The following STAU1 variants were observed in gnomAD, a reference collection of about 807,000 sequenced individuals.
The protein encoded by STAU1 is double-stranded RNA-binding protein Staufen homolog 1.
STAU1 carries 13 observed loss-of-function variants against 62.9 expected under a neutral mutation model. That is an observed-to-expected ratio of 0.21 (90% CI 0.13 to 0.33). The LOEUF (loss-of-function observed/expected upper bound fraction) is 0.33. Among genes scored for constraint, STAU1 ranks in the 10% least tolerant of loss-of-function variants. The pLI, the probability that STAU1 is intolerant of heterozygous loss-of-function variation, is 1.00. For missense variants in STAU1, 571 were observed against 712.1 expected, an observed-to-expected ratio of 0.80 and a Z score of 2.25; for synonymous variants, 269 against 265.1, an observed-to-expected ratio of 1.01 and a Z score of -0.14.
At chr20:49,160,709 C>T (rs1292631722) in intron 3 of STAU1, among the ~76,000 whole-genome samples, 1 of 152,196 alleles carries the variant, frequency 6.6e-6, no homozygotes, top group Non-Finnish European at 1.5e-5. Context: ...ACAAGGATAA[C>T]TGAAACCAAA....
At chr20:49,131,522 C>A (rs1168953063) in intron 6 of STAU1, among the ~76,000 whole-genome samples, 1 of 152,008 alleles carries the variant, frequency 6.6e-6, no homozygotes, top group African/African-American at 2.4e-5. Flanking sequence ...AAGTAAAAAA[C>A]AGAAAATAAT....
intron 3 of STAU1, among the ~76,000 whole-genome samples, chr20:49,164,732 G>A (rs534261051): frequency 2.7e-4 from 41 of 151,968 alleles, no homozygotes; most frequent in Admixed American, 5.3e-4. Flanking sequence ...TCACACTACC[G>A]TACTCCAGCC....
At chr20:49,146,563 G>C (rs1410765508) in intron 5 of STAU1, among the ~76,000 whole-genome samples, 1 of 151,932 alleles carries the variant, frequency 6.6e-6, no homozygotes, top group Admixed American at 6.6e-5. Flanking sequence ...TTAACAGGGA[G>C]TGGTGGCATG....
At chr20:49,124,871 T>G (rs2092554825) in intron 6 of STAU1, among the ~76,000 whole-genome samples, 2 of 152,090 alleles carry the variant, frequency 1.3e-5, no homozygotes, top group Admixed American at 1.3e-4. Context: ...GAGTTTAGTG[T>G]GGTCCACTGC....
In STAU1 at chr20:49,135,914, G is replaced by C. The variant is rs908077586; in HGVS notation, c.528C>G (p.Ser176=). The C allele has an allele frequency of 3.1e-6, 5 of 1,613,058 alleles. No homozygotes were observed. In the African/African-American group the frequency reaches 6.7e-5, roughly 22 times the overall value. ...CAGATTTATTGAGATTTTCTTCTTC[G>C]GATTCTCTTCCATTCACCTGTAAGA... ...PERLEVNGRE[S]EEENLNKSEI... Residue 176 remains serine, a synonymous_variant, in exon 6 of 14, where the codon TCC becomes TCG. Coordinates refer to ENST00000371856, the MANE Select transcript of STAU1 (RefSeq NM_017453.4).
chr20:49,189,306 C>T (rs188094610), upstream of STAU1, among the ~76,000 whole-genome samples: 305 of 143,226 alleles, frequency 2.1e-3, no homozygotes, highest in African/African-American at 7.4e-3. Flanking sequence ...TTTTTAGCAG[C>T]TGTATTGTAT....
At chr20:49,155,370 A>T (rs2093341434) in intron 3 of STAU1, among the ~76,000 whole-genome samples, 1 of 152,258 alleles carries the variant, frequency 6.6e-6, no homozygotes, top group South Asian at 2.1e-4. Flanking sequence ...TTCAGAAAAT[A>T]CATGCTATTC....
intron 13 of STAU1, among the ~76,000 whole-genome samples, chr20:49,115,411 C>T (rs566648927): frequency 6.6e-6 from 1 of 152,144 alleles, no homozygotes; most frequent in African/African-American, 2.4e-5. Flanking sequence ...AAGCAGTTCT[C>T]TGCCTCGGCC....
intron 6 of STAU1, among the ~76,000 whole-genome samples, chr20:49,125,086 A>C (rs1469828845): frequency 1.3e-5 from 2 of 150,452 alleles, no homozygotes; most frequent in African/African-American, 4.9e-5. Flanking sequence ...AAAAAAAAAA[A>C]AAAAACCCAC....
chr20:49,125,071 T>TAAAAAAAAAAAAAAAAA (rs11473077), intron 6 of STAU1, among the ~76,000 whole-genome samples: 1 of 83,852 alleles, frequency 1.2e-5, no homozygotes, highest in Non-Finnish European at 2.3e-5. Flanking sequence ...ACACATTAAG[T>TAAAAAAAAAAAAAAAAA]AAAAAAAAAA....
At chr20:49,198,611 C>T in the STAU1 span, among the ~76,000 whole-genome samples, 29 of 152,004 alleles carry the variant, frequency 1.9e-4, no homozygotes, top group East Asian at 5.8e-4. Context: ...AGACAGATCA[C>T]TTGAGGTCAC....
intron 1 of STAU1, 118 bp from the exon 2 acceptor site, chr20:49,174,387 GA>G (rs1455719285): frequency 6.6e-6 from 1 of 152,186 alleles, no homozygotes; most frequent in Non-Finnish European, 1.5e-5. Flanking sequence ...CTGAAGGCAT[GA>G]CGTCATGGTT....
intron 5 of STAU1, among the ~76,000 whole-genome samples, chr20:49,146,459 T>C (rs1054511951): frequency 1.3e-5 from 2 of 152,148 alleles, no homozygotes; most frequent in African/African-American, 4.8e-5. Flanking sequence ...CCCAGGATTC[T>C]GGGAGGCCAA....
chr20:49,204,602 A>ATATATATATATG, the STAU1 span, among the ~76,000 whole-genome samples: 1 of 43,484 alleles, frequency 2.3e-5, no homozygotes, highest in Admixed American at 4.7e-4. Context: ...TTATATATAT[A>ATATATATATATG]TATATATATA....
intron 4 of STAU1, among the ~76,000 whole-genome samples, chr20:49,153,296 TCA>T (rs1169655879): frequency 8.3e-6 from 1 of 120,700 alleles, no homozygotes; most frequent in Non-Finnish European, 1.9e-5. Context: ...GTGTGGTGGC[TCA>T]CACTTTAATC....
chr20:49,138,598 C>T (rs1340325671), intron 5 of STAU1, among the ~76,000 whole-genome samples: 2 of 152,072 alleles, frequency 1.3e-5, no homozygotes, highest in African/African-American at 4.8e-5. Context: ...AACTCCTGAC[C>T]TCAAGCAATA....
At chr20:49,129,608 G>A (rs540337859) in intron 6 of STAU1, among the ~76,000 whole-genome samples, 1 of 148,866 alleles carries the variant, frequency 6.7e-6, no homozygotes, top group African/African-American at 2.5e-5. Context: ...TGATACATCT[G>A]GTTTAGAAAA....
chr20:49,204,614 A>ATG, the STAU1 span, among the ~76,000 whole-genome samples: 3 of 55,416 alleles, frequency 5.4e-5, no homozygotes, highest in Non-Finnish European at 7.2e-5. Context: ...ATATATATAT[A>ATG]TATATATATG....
chr20:49,129,243 T>C (rs2092697696), intron 6 of STAU1, among the ~76,000 whole-genome samples: 1 of 148,754 alleles, frequency 6.7e-6, no homozygotes, highest in Admixed American at 6.7e-5. Flanking sequence ...CACAACAAGA[T>C]ACTACTGACT....
Sources: gnomAD v4.1 joint callset for allele counts (sites outside exome capture counted in the v4.1 genomes callset) on GRCh38, gnomAD v4.1.1 for gene constraint, MANE v1.5 for transcripts, NCBI Gene and HGNC (gene_info 2026-07-23, HGNC 2026-07-21) for gene names.